Variants in SGMS1 observed in about 807,000 individuals in gnomAD.
The protein encoded by SGMS1 is sphingomyelin synthase 1, also known as phosphatidylcholine:ceramide cholinephosphotransferase 1.
SGMS1 carries 13 observed loss-of-function variants against 46.2 expected under a neutral mutation model. The observed-to-expected ratio is 0.28, with a 90% CI of 0.18 to 0.45. The LOEUF (loss-of-function observed/expected upper bound fraction) is 0.45, where lower values mean the gene tolerates loss of function less well. Ranked by LOEUF, SGMS1 falls within the 20% of genes least tolerant of loss-of-function variation. The probability of loss-of-function intolerance (pLI) is 1.00; values close to 1 mark genes in which losing one functional copy is unlikely to be tolerated. For missense variants in SGMS1, 324 were observed against 519.9 expected (o/e 0.62, Z 3.66); for synonymous variants, 203 against 187.8 (o/e 1.08, Z -0.66).
chr10:50,423,442 G>A (rs903781844), intron 6 of SGMS1, among the ~76,000 whole-genome samples: 1 of 152,144 alleles, frequency 6.6e-6, no homozygotes, highest in Admixed American at 6.5e-5. Context: ...TGGTTGGATT[G>A]GTGAGAGGAG....
At chr10:50,414,231 C>T (rs1022383698) in intron 6 of SGMS1, among the ~76,000 whole-genome samples, 25 of 152,288 alleles carry the variant, frequency 1.6e-4, no homozygotes, top group Middle Eastern at 6.8e-3. Flanking sequence ...CACAGTGAGA[C>T]CTTGTCTCTG....
At chr10:50,451,131 T>C (rs1837104187) in intron 5 of SGMS1, among the ~76,000 whole-genome samples, 1 of 152,112 alleles carries the variant, frequency 6.6e-6, no homozygotes, top group African/African-American at 2.4e-5. Context: ...TGTGGAGATC[T>C]GTCAAGCTTA....
chr10:50,351,092 C>T (rs1245619267), intron 6 of SGMS1, among the ~76,000 whole-genome samples: 2 of 152,176 alleles, frequency 1.3e-5, no homozygotes, highest in African/African-American at 4.8e-5. Flanking sequence ...AGGAACACAC[C>T]TTTTGCATCA....
chr10:50,312,039 G>A (rs973702064), intron 8 of SGMS1, among the ~76,000 whole-genome samples: 1 of 152,288 alleles, frequency 6.6e-6, no homozygotes, highest in African/African-American at 2.4e-5. Flanking sequence ...GGACACCGGA[G>A]TAATAAATAG....
intron 7 of SGMS1, among the ~76,000 whole-genome samples, chr10:50,328,836 C>T (rs924442229): frequency 5.3e-5 from 8 of 152,184 alleles, no homozygotes; most frequent in African/African-American, 9.6e-5. Context: ...TAAAGAGGGA[C>T]GATACTAGAG....
intron 2 of SGMS1, among the ~76,000 whole-genome samples, chr10:50,576,836 G>A (rs1345751032): frequency 1.3e-5 from 2 of 152,214 alleles, no homozygotes; most frequent in East Asian, 3.8e-4. Flanking sequence ...CATGCTAAGT[G>A]CCAACACCAT....
chr10:50,323,519 T>C, intron 8 of SGMS1, among the ~76,000 whole-genome samples: 1 of 152,198 alleles, frequency 6.6e-6, no homozygotes, highest in East Asian at 1.9e-4. Context: ...GGCCTTTTCA[T>C]CCATATCCAC....
intron 1 of SGMS1, among the ~76,000 whole-genome samples, chr10:50,611,302 G>A (rs1437951215): frequency 6.6e-6 from 1 of 152,202 alleles, no homozygotes; most frequent in East Asian, 1.9e-4. Context: ...ATGCAACCCT[G>A]TACTACTGTG....
At chr10:50,517,440 G>A (rs1273852610) in intron 3 of SGMS1, among the ~76,000 whole-genome samples, 1 of 152,124 alleles carries the variant, frequency 6.6e-6, no homozygotes, top group African/African-American at 2.4e-5. Context: ...AGCCAACACA[G>A]CTAAAGAGAG....
intron 1 of SGMS1, among the ~76,000 whole-genome samples, chr10:50,603,486 C>T (rs570593219): frequency 3.2e-4 from 48 of 152,316 alleles, no homozygotes; most frequent in Admixed American, 6.5e-4. Flanking sequence ...AGGAGTGGAT[C>T]TTACACAGAG....
At chr10:50,534,897 C>A (rs995070683) in intron 2 of SGMS1, among the ~76,000 whole-genome samples, 1 of 152,208 alleles carries the variant, frequency 6.6e-6, no homozygotes, top group African/African-American at 2.4e-5. Context: ...CTTATGGCAT[C>A]AGACATGCAG....
At chr10:50,613,058 T>C (rs1046553617) in intron 1 of SGMS1, among the ~76,000 whole-genome samples, 1 of 152,230 alleles carries the variant, frequency 6.6e-6, no homozygotes, top group Non-Finnish European at 1.5e-5. Context: ...TGACCACTTA[T>C]AGCACACATC....
chr10:50,503,667 C>G (rs1837680817), intron 3 of SGMS1, among the ~76,000 whole-genome samples: 1 of 152,350 alleles, frequency 6.6e-6, no homozygotes, highest in East Asian at 1.9e-4. Context: ...TCACACACAG[C>G]CTGTTTGGTG....
chr10:50,453,789 GGGAGGGGAGAGGAA>G (rs1837145192), intron 5 of SGMS1, among the ~76,000 whole-genome samples: 1 of 40,576 alleles, frequency 2.5e-5, no homozygotes, highest in Non-Finnish European at 5.3e-5. Flanking sequence ...AAGGGAGGGA[GGGAGGGGAGAGGAA>G]GGAGGGAGGG....
intron 6 of SGMS1, among the ~76,000 whole-genome samples, chr10:50,356,339 A>T (rs1047962879): frequency 3.3e-5 from 5 of 152,216 alleles, no homozygotes; most frequent in Admixed American, 2.6e-4. Flanking sequence ...GTGCTTTGTT[A>T]AACAGATGCT....
intron 3 of SGMS1, among the ~76,000 whole-genome samples, chr10:50,495,855 T>A (rs1837610803): frequency 6.6e-6 from 1 of 151,784 alleles, no homozygotes; most frequent in Admixed American, 6.6e-5. Flanking sequence ...GAAAAATACA[T>A]AAGAAAATTT....
intron 3 of SGMS1, among the ~76,000 whole-genome samples, chr10:50,490,966 A>G (rs1320449701): frequency 1.3e-5 from 2 of 152,226 alleles, no homozygotes; most frequent in East Asian, 1.9e-4. Context: ...AGTAAAAAAG[A>G]GTAGTGCTTA....
At chr10:50,487,316 C>T (rs1215598613) in intron 3 of SGMS1, among the ~76,000 whole-genome samples, 1 of 152,126 alleles carries the variant, frequency 6.6e-6, no homozygotes, top group Non-Finnish European at 1.5e-5. Context: ...GGGAACAGCA[C>T]ACACAGGGTC....
chr10:50,473,583 A>G (rs549842227), intron 3 of SGMS1, among the ~76,000 whole-genome samples: 4 of 152,370 alleles, frequency 2.6e-5, no homozygotes, highest in African/African-American at 7.2e-5. Flanking sequence ...ATGGACTAAT[A>G]AAAAACTTCG....
Sources: allele counts gnomAD v4.1 joint callset (sites outside exome capture counted in the v4.1 genomes callset), GRCh38; gene constraint gnomAD v4.1.1; transcripts MANE v1.5; gene names NCBI Gene and HGNC (gene_info 2026-07-23, HGNC 2026-07-21).